The following KCNH1 variants were observed in gnomAD, a reference collection of about 807,000 sequenced individuals.
The protein encoded by KCNH1 is voltage-gated delayed rectifier potassium channel KCNH1.
A neutral mutation model predicts 69.2 loss-of-function variants in KCNH1; 27 were observed. That is an observed-to-expected ratio of 0.39 (90% CI 0.29 to 0.54). The LOEUF (loss-of-function observed/expected upper bound fraction) is 0.54, where lower values mean the gene tolerates loss of function less well. Among genes scored for constraint, KCNH1 ranks in the 20% least tolerant of loss-of-function variants. The pLI is 0.68. For missense variants in KCNH1, 798 were observed against 1,261.6 expected (o/e 0.63, Z 5.57); for synonymous variants, 456 against 487.7 (o/e 0.93, Z 0.86).
chr1:210,767,194 G>C (rs932290668), intron 10 of KCNH1, among the ~76,000 whole-genome samples: 1 of 152,246 alleles, frequency 6.6e-6, no homozygotes, highest in Non-Finnish European at 1.5e-5. Flanking sequence ...TTTGAAGCTA[G>C]TTAGAAAACA....
intron 7 of KCNH1, among the ~76,000 whole-genome samples, chr1:210,831,302 C>T (rs181736936): frequency 1.3e-5 from 2 of 152,314 alleles, no homozygotes; most frequent in African/African-American, 4.8e-5. Context: ...AATCATCCAT[C>T]CAAGTTTATA....
chr1:210,915,708 C>G (rs1379872393), intron 7 of KCNH1, among the ~76,000 whole-genome samples: 2 of 152,162 alleles, frequency 1.3e-5, no homozygotes, highest in Non-Finnish European at 2.9e-5. Flanking sequence ...CTTCTTAAAG[C>G]AATTTCTTAT....
chr1:210,814,106 T>C (rs1264096439), intron 7 of KCNH1, among the ~76,000 whole-genome samples: 1 of 151,976 alleles, frequency 6.6e-6, no homozygotes, highest in Non-Finnish European at 1.5e-5. Flanking sequence ...GTAGTAACAA[T>C]GGGAAGAAAA....
At chr1:210,746,852 A>G (rs117248001) in intron 10 of KCNH1, among the ~76,000 whole-genome samples, 1,651 of 152,168 alleles carry the variant, frequency 0.011, 68 homozygotes, top group Admixed American at 0.075. Flanking sequence ...CGGCTATTAC[A>G]ACCTTTTCTT....
At chr1:210,852,629 C>T (rs1288224317) in intron 7 of KCNH1, among the ~76,000 whole-genome samples, 2 of 152,062 alleles carry the variant, frequency 1.3e-5, no homozygotes, top group Non-Finnish European at 2.9e-5. Flanking sequence ...CTTAGAGCCC[C>T]TACCTCAACC....
intron 10 of KCNH1, among the ~76,000 whole-genome samples, chr1:210,692,205 C>T (rs58497140): frequency 0.017 from 2,577 of 152,216 alleles, 66 homozygotes; most frequent in African/African-American, 0.057. Context: ...CTTATAAGGC[C>T]CCTCCTAGAC....
chr1:211,057,674 C>T (rs1048689419), intron 5 of KCNH1, among the ~76,000 whole-genome samples: 2 of 148,908 alleles, frequency 1.3e-5, no homozygotes, highest in African/African-American at 2.5e-5. Context: ...AAACAGAAAA[C>T]AAAGAAGACA....
At chr1:210,873,648 A>G (rs905834489) in intron 7 of KCNH1, among the ~76,000 whole-genome samples, 1 of 152,170 alleles carries the variant, frequency 6.6e-6, no homozygotes, top group Admixed American at 6.5e-5. Context: ...TACAGGCATG[A>G]GCCACCAGGC....
intron 6 of KCNH1, among the ~76,000 whole-genome samples, chr1:210,976,255 T>C (rs960225936): frequency 6.6e-5 from 10 of 151,696 alleles, no homozygotes; most frequent in Non-Finnish European, 1.3e-4. Context: ...ACTGGGTACA[T>C]ACCCAAAGGA....
At chr1:210,928,480 T>C (rs929053199) in intron 6 of KCNH1, among the ~76,000 whole-genome samples, 2 of 152,122 alleles carry the variant, frequency 1.3e-5, no homozygotes, top group African/African-American at 4.8e-5. Context: ...GGGTCAACAA[T>C]GAAATCCAGA....
chr1:210,849,308 C>T (rs1171549147), intron 7 of KCNH1, among the ~76,000 whole-genome samples: 2 of 151,292 alleles, frequency 1.3e-5, no homozygotes, highest in African/African-American at 4.9e-5. Flanking sequence ...TAGAGTTTGT[C>T]AAACCATGGT....
At chr1:210,934,409 C>G (rs906598328) in intron 6 of KCNH1, among the ~76,000 whole-genome samples, 3 of 152,150 alleles carry the variant, frequency 2.0e-5, no homozygotes, top group African/African-American at 7.2e-5. Flanking sequence ...AATTCCAGCA[C>G]TTTGTGGGGC....
chr1:210,804,025 C>T lies in KCNH1; in HGVS notation c.1604G>A (p.Arg535Gln). 1 of 1,614,200 alleles carries T rather than the reference C, an allele frequency of 6.2e-7. No individual in the cohort carries two copies. Among genetic ancestry groups the T allele is most frequent in the Non-Finnish European group, 8.5e-7 (1 of 1,180,030 alleles). The part of the protein sequence containing the change: ...LYQVPKGLSE[R>Q]VMDYIVSTWS... ...AGTGGACACAATATAATCCATTACT[C>T]GCTCACTCAATCCTTTTGGCACCTG... Residue 535 changes from arginine to glutamine, a missense_variant, in exon 8 of 11, where the codon CGA becomes CAA. Physicochemically the swap from Arg to Gln is conservative, Grantham distance 43 (BLOSUM62 1). Transcript: ENST00000271751.
At chr1:211,112,501 T>TAAAAAAAAAAA (rs74258707) in intron 1 of KCNH1, among the ~76,000 whole-genome samples, 2 of 126,404 alleles carry the variant, frequency 1.6e-5, no homozygotes, top group Non-Finnish European at 1.8e-5. Context: ...ATTAAATAAA[T>TAAAAAAAAAAA]AAAAAAAAAA....
intron 5 of KCNH1, among the ~76,000 whole-genome samples, chr1:211,040,170 A>G (rs1245732907): frequency 1.3e-5 from 2 of 150,814 alleles, no homozygotes; most frequent in Admixed American, 6.6e-5. Context: ...TAGTCTGGGC[A>G]ACAGAGCAAG....
chr1:210,902,244 G>T (rs1687012203), intron 7 of KCNH1, among the ~76,000 whole-genome samples: 1 of 152,204 alleles, frequency 6.6e-6, no homozygotes, highest in Non-Finnish European at 1.5e-5. Context: ...TGATTCTCAG[G>T]ATCTGACCAA....
chr1:210,931,777 C>T (rs911151551), intron 6 of KCNH1, among the ~76,000 whole-genome samples: 14 of 150,072 alleles, frequency 9.3e-5, no homozygotes, highest in African/African-American at 3.4e-4. Flanking sequence ...AGAAATTCAA[C>T]AAAGAGATAG....
chr1:210,812,023 T>G (rs1684713047), intron 7 of KCNH1, among the ~76,000 whole-genome samples: 1 of 152,142 alleles, frequency 6.6e-6, no homozygotes. Context: ...AACATATATT[T>G]CTAACAAGAT....
chr1:210,694,562 TCAGC>T (rs1191657315), intron 10 of KCNH1, among the ~76,000 whole-genome samples: 1 of 152,132 alleles, frequency 6.6e-6, no homozygotes, highest in Non-Finnish European at 1.5e-5. Flanking sequence ...GAAGAAACTC[TCAGC>T]CAGTGAGGGG....
Sources: gnomAD v4.1 joint callset for allele counts (sites outside exome capture counted in the v4.1 genomes callset) on GRCh38, gnomAD v4.1.1 for gene constraint, MANE v1.5 for transcripts, NCBI Gene and HGNC (gene_info 2026-07-23, HGNC 2026-07-21) for gene names.